Variants in NAT10 observed in about 807,000 individuals in gnomAD.
The protein encoded by NAT10 is RNA cytidine acetyltransferase.
A neutral mutation model predicts 132.2 loss-of-function variants in NAT10; 109 were observed. The ratio of observed to expected loss-of-function variants is 0.82; its 90% confidence interval spans 0.71 to 0.97. The LOEUF (loss-of-function observed/expected upper bound fraction) is 0.97. Ranked by LOEUF, NAT10 falls within the 50% of genes least tolerant of loss-of-function variation. The pLI, the probability that NAT10 is intolerant of heterozygous loss-of-function variation, is 0.00. For missense variants in NAT10, 1,184 were observed against 1,263.4 expected (o/e 0.94, Z 0.95); for synonymous variants, 479 against 478.0 (o/e 1.00, Z -0.03).
chr11:34,135,167 G>C lies in NAT10; in HGVS notation c.1912-8G>C. 6.2e-7 allele frequency: 1 copy of C among 1,612,070 alleles called. No individual in the cohort carries two copies. Among genetic ancestry groups the C allele is most frequent in the Non-Finnish European group, 8.5e-7 (1 of 1,178,214 alleles). The stretch of plus-strand genomic sequence containing the variant: ...CCTCGGCCTCTTCCCCTTCACGTTT[G>C]CTCCTAGATGGGCTATGGCAGCCGT... On this transcript the variant is annotated splice_region_variant and splice_polypyrimidine_tract_variant and intron_variant, in intron 18 of 28. Transcript: ENST00000257829.
chr11:34,138,943 C>G lies in NAT10; in HGVS notation c.2212-248C>G, dbSNP rs1187124380. 1.5e-5 allele frequency: 7 copies of G among 475,864 alleles called. No individual in the cohort carries two copies. In the Admixed American group the frequency reaches 1.7e-4, roughly 12 times the overall value. 29.5% of individuals were successfully genotyped at this position (475,864 alleles called of 1,614,324 possible). A position where few individuals can be genotyped will look rare whatever the true frequency, so the allele number is the denominator to read the frequency against. ...GCCCAGAAGAGCCAGCAGCTCTTCTCTGTGTCTGTGACACTTTTGAGGAGA... is the reference window on the plus strand; with the variant it reads ...GCCCAGAAGAGCCAGCAGCTCTTCTGTGTGTCTGTGACACTTTTGAGGAGA... On this transcript the variant is annotated intron_variant, in intron 21 of 28. Transcript: ENST00000257829.
At position 34,142,332 on chromosome 11, in the gene NAT10, A is replaced by G. The variant is rs1590193891; in HGVS notation, c.2869A>G (p.Ser957Gly). 2 of 1,613,972 alleles carry G rather than the reference A, an allele frequency of 1.2e-6. No homozygotes were observed. Among genetic ancestry groups the G allele is most frequent in the East Asian group, 2.2e-5 (1 of 44,888 alleles). Residue 957 changes from serine to glycine, a missense_variant, in exon 27 of 29, where the codon AGC (serine) becomes GGC (glycine). Ser to Gly is a moderately conservative substitution (Grantham distance 56). Transcript: ENST00000257829. ...KHKKEVGKLKSMDLSEYIIRG... is the reference protein window; with the variant it reads ...KHKKEVGKLKGMDLSEYIIRG... ...CAAGAAGGAAGTAGGGAAGCTGAAG[A>G]GCATGGACCTCTCTGAGTAAGGCTT...
chr11:34,125,387 CTTCT>C (rs751915004), intron 11 of NAT10, among the ~76,000 whole-genome samples: 9 of 152,170 alleles, frequency 5.9e-5, no homozygotes, highest in Non-Finnish European at 1.2e-4. Context: ...GGCCTTGCTC[CTTCT>C]TGAATTTGTA....
chr11:34,125,979 T>C (rs1013539501), intron 11 of NAT10, among the ~76,000 whole-genome samples: 1 of 152,016 alleles, frequency 6.6e-6, no homozygotes, highest in African/African-American at 2.4e-5. Context: ...AGGCTTTGTC[T>C]CAAAAAATGA....
At chr11:34,113,693 T>A in intron 4 of NAT10, 23 bp from the exon 5 acceptor site, 1 of 1,603,880 alleles carries the variant, frequency 6.2e-7, no homozygotes, top group Non-Finnish European at 8.5e-7. Context: ...TGACCAGCCC[T>A]TTCTAACGCC....
At chr11:34,136,481 T>A (rs1852215384) in intron 19 of NAT10, among the ~76,000 whole-genome samples, 161 bp from the exon 20 acceptor site, 1 of 152,198 alleles carries the variant, frequency 6.6e-6, no homozygotes, top group South Asian at 2.1e-4. Context: ...GAATGATTGC[T>A]TGACTCCGGT....
rs920455077 is a variant in NAT10 at position 34,132,962 on chromosome 11, G to A, written c.1618-64G>A. Reference sequence around the variant, plus strand: ...TGCAGTCATCCTGTGGTTCTGAATCGAACCTTTTGCGTAAAGGGCAAGAGG... The same window carrying A: ...TGCAGTCATCCTGTGGTTCTGAATCAAACCTTTTGCGTAAAGGGCAAGAGG... On this transcript the variant is annotated intron_variant, in intron 15 of 28. Coordinates refer to ENST00000257829, the MANE Select transcript of NAT10 (RefSeq NM_024662.3). 5 of 1,359,516 alleles carry A rather than the reference G, an allele frequency of 3.7e-6. No individual in the cohort carries two copies. In the African/African-American group the frequency reaches 5.7e-5, roughly 16 times the overall value. The allele number at this position is 1,359,516 out of a possible 1,614,324, so 84.2% of individuals were successfully genotyped here.
intron 18 of NAT10, 136 bp downstream of exon 18, chr11:34,134,722 G>T: frequency 2.0e-6 from 1 of 508,760 alleles, no homozygotes; most frequent in East Asian, 5.3e-5. Context: ...GGAGAATTGA[G>T]CCAGGGTTCG....
At chr11:34,131,062 G>A in intron 13 of NAT10, 125 bp downstream of exon 13, 1 of 1,417,884 alleles carries the variant, frequency 7.1e-7, no homozygotes, top group Non-Finnish European at 9.6e-7. Flanking sequence ...GAGAGGTTGA[G>A]TCCCCAAGAG....
intron 26 of NAT10, 178 bp from the exon 27 acceptor site, chr11:34,142,097 T>C (rs1038382237): frequency 7.7e-6 from 5 of 649,000 alleles, no homozygotes; most frequent in Non-Finnish European, 1.3e-5. Context: ...CTTAAATGCA[T>C]AGTTTATAAC....
In NAT10 at chr11:34,113,344, CGTTTTTGGCAT is replaced by C. The variant is rs532654300; in HGVS notation, c.373-371_373-361del. On this transcript the variant is annotated intron_variant, in intron 4 of 28. Coordinates refer to ENST00000257829, the MANE Select transcript of NAT10 (RefSeq NM_024662.3). ...CTAACAACGTCTCTAATAAGAGACC[CGTTTTTGGCAT>C]ATAAAACCAGGTATTCGTATATTCG... is the stretch of plus-strand genomic sequence containing the variant. 4.3e-3 allele frequency among the ~76,000 whole-genome samples: 655 copies of C among 152,018 alleles called. 4 individuals carry two copies. The highest frequency in any genetic ancestry group is 0.015 in the African/African-American group (616 of 41,446).
intron 26 of NAT10, chr11:34,142,050 G>T: frequency 3.2e-6 from 2 of 620,188 alleles, no homozygotes; most frequent in South Asian, 4.0e-5. Context: ...TAGGATTCCA[G>T]CATCTGTTGG....
chr11:34,117,987 T>C (rs565951239), intron 6 of NAT10, among the ~76,000 whole-genome samples, 193 bp from the exon 7 acceptor site: 19 of 152,318 alleles, frequency 1.2e-4, no homozygotes, highest in African/African-American at 4.3e-4. Context: ...TCTGATTTGC[T>C]GTATAAAGTA....
intron 11 of NAT10, among the ~76,000 whole-genome samples, chr11:34,125,000 G>T (rs1296781637): frequency 3.3e-5 from 5 of 152,188 alleles, no homozygotes; most frequent in Non-Finnish European, 1.5e-5. Flanking sequence ...TACTGGAGGA[G>T]GTTCATTGAT....
intron 15 of NAT10, 95 bp downstream of exon 15, chr11:34,132,316 CT>C: frequency 2.0e-6 from 2 of 992,296 alleles, no homozygotes; most frequent in Non-Finnish European, 3.2e-6. Context: ...TACCCAATGG[CT>C]TAGGTGACTG....
chr11:34,139,953 A>G (rs1350292147), intron 23 of NAT10, among the ~76,000 whole-genome samples: 3 of 152,246 alleles, frequency 2.0e-5, no homozygotes, highest in Non-Finnish European at 2.9e-5. Context: ...TATTTTATAT[A>G]TAAATATTTA....
At chr11:34,108,185 G>A in intron 1 of NAT10, 26 bp from the exon 2 acceptor site, 1 of 1,511,852 alleles carries the variant, frequency 6.6e-7, no homozygotes, top group Non-Finnish European at 9.2e-7. Context: ...AGTGCGCATG[G>A]CCAGTTGTAT....
intron 15 of NAT10, among the ~76,000 whole-genome samples, chr11:34,132,725 A>G (rs1319417819): frequency 1.3e-5 from 2 of 152,218 alleles, no homozygotes; most frequent in African/African-American, 4.8e-5. Context: ...GCAGCCTCTT[A>G]TCTGTAAAAA....
At chr11:34,117,080 A>G (rs1180767100) in intron 6 of NAT10, among the ~76,000 whole-genome samples, 2 of 152,170 alleles carry the variant, frequency 1.3e-5, no homozygotes, top group Non-Finnish European at 2.9e-5. Context: ...GTTTGGCCAT[A>G]TATGTCTGGG....
Sources: allele counts gnomAD v4.1 joint callset (sites outside exome capture counted in the v4.1 genomes callset), GRCh38; gene constraint gnomAD v4.1.1; transcripts MANE v1.5; gene names NCBI Gene and HGNC (gene_info 2026-07-23, HGNC 2026-07-21).